Variants in SOX5 observed in about 807,000 individuals in gnomAD.
SOX5 encodes the protein SRY-box transcription factor 5, also known as transcription factor SOX-5.
In SOX5, 9 loss-of-function variants were observed where a neutral mutation model predicts 92.0. That is an observed-to-expected ratio of 0.10 (90% confidence interval 0.06 to 0.17). SOX5 has a LOEUF of 0.17. Ranked by LOEUF, SOX5 falls within the 10% of genes least tolerant of loss-of-function variation. SOX5 has a pLI of 1.00. For missense variants in SOX5, 642 were observed against 944.5 expected, an observed-to-expected ratio of 0.68 and a Z score of 4.20; for synonymous variants, 344 against 336.3, an observed-to-expected ratio of 1.02 and a Z score of -0.25.
chr12:23,954,762 A>G (rs963082886), upstream of SOX5, among the ~76,000 whole-genome samples: 10 of 152,060 alleles, frequency 6.6e-5, no homozygotes. Flanking sequence ...GTTAGAATAC[A>G]CAGATGAATT....
chr12:24,120,207 T>G lies in SOX5; in HGVS notation c.-2+93136A>C, dbSNP rs1387382532. 2.0e-5 allele frequency among the ~76,000 whole-genome samples: 3 copies of G among 152,206 alleles called. No homozygotes were observed. In the East Asian group the frequency reaches 5.8e-4, roughly 29 times the overall value. Reference sequence around the variant, plus strand: ...TCAGAAGTGGAATTGGAGTCACAGATATACATTCATATGCTCAACTTTAGT... The same window carrying G: ...TCAGAAGTGGAATTGGAGTCACAGAGATACATTCATATGCTCAACTTTAGT... On this transcript the variant is annotated intron_variant, in intron 4 of 4. Coordinates refer to the SOX5 transcript ENST00000446891.
intron 1 of SOX5, among the ~76,000 whole-genome samples, chr12:24,560,051 G>C (rs1372796809): frequency 1.3e-5 from 2 of 152,110 alleles, no homozygotes; most frequent in African/African-American, 4.8e-5. Flanking sequence ...TTGCAAGTCT[G>C]TGTCAGATTG....
intron 6 of SOX5, among the ~76,000 whole-genome samples, chr12:23,682,019 A>C (rs1049301272): frequency 6.6e-6 from 1 of 151,284 alleles, no homozygotes; most frequent in Non-Finnish European, 1.5e-5. Context: ...TTAATTACTG[A>C]TAGCTCAAAA....
rs1467510579 is a variant in SOX5 at position 23,530,831 on chromosome 12, G to GCGCGCGCA, written c.*3387_*3388insTGCGCGCG. The GCGCGCGCA allele has an allele frequency of 6.6e-6, 1 of 151,226 alleles. No homozygotes were observed. The highest frequency in any genetic ancestry group is 1.5e-5 in the Non-Finnish European group (1 of 67,874). The allele number at this position is 151,226 out of a possible 1,614,324, so 9.4% of individuals were successfully genotyped here. On this transcript the variant is annotated 3_prime_UTR_variant, in exon 15 of 15. Transcript: ENST00000451604. ...TGTGTGTGTGTGTGCGCGCGCGCGC[G>GCGCGCGCA]CGCGCATGTGAGAGAGAGAGAGAAA... is the stretch of plus-strand genomic sequence containing the variant.
intron 3 of SOX5, among the ~76,000 whole-genome samples, chr12:23,814,734 G>A (rs11047112): frequency 0.078 from 11,884 of 152,204 alleles, 592 homozygotes; most frequent in Admixed American, 0.11. Flanking sequence ...CACAAAGCAC[G>A]TTAGAGACTG....
intron 4 of SOX5, among the ~76,000 whole-genome samples, chr12:24,114,602 A>AAAAAG (rs1565464302): frequency 6.8e-6 from 1 of 147,962 alleles, no homozygotes; most frequent in African/African-American, 2.5e-5. Context: ...AAAAAAAAAA[A>AAAAAG]AAATTAACAG....
At chr12:24,459,070 C>T (rs1170378655) in intron 1 of SOX5, among the ~76,000 whole-genome samples, 1 of 152,212 alleles carries the variant, frequency 6.6e-6, no homozygotes, top group African/African-American at 2.4e-5. Context: ...AAGAAGTCAA[C>T]ATCCAAATAG....
intron 3 of SOX5, among the ~76,000 whole-genome samples, chr12:24,265,786 AC>A: frequency 6.6e-6 from 1 of 152,304 alleles, no homozygotes; most frequent in South Asian, 2.1e-4. Flanking sequence ...TACTCATTCA[AC>A]CAATATTTCT....
chr12:23,907,850 T>C (rs1196986713), intron 1 of SOX5, among the ~76,000 whole-genome samples: 1 of 152,174 alleles, frequency 6.6e-6, no homozygotes, highest in Non-Finnish European at 1.5e-5. Flanking sequence ...GACTTGGTCA[T>C]TTTGACCCCT....
chr12:24,236,514 C>T (rs909706164), intron 3 of SOX5, among the ~76,000 whole-genome samples: 10 of 152,168 alleles, frequency 6.6e-5, no homozygotes, highest in African/African-American at 2.2e-4. Flanking sequence ...GCACAAACAG[C>T]TAATTTCTGA....
chr12:24,552,592 T>G (rs1357073865), intron 1 of SOX5, among the ~76,000 whole-genome samples: 1 of 152,258 alleles, frequency 6.6e-6, no homozygotes, highest in African/African-American at 2.4e-5. Context: ...GAATCTCTGC[T>G]TAAGTCATAA....
chr12:24,500,759 C>T (rs1258687727), intron 1 of SOX5, among the ~76,000 whole-genome samples: 1 of 152,216 alleles, frequency 6.6e-6, no homozygotes, highest in Non-Finnish European at 1.5e-5. Context: ...ACATGCAATG[C>T]ACAATCTTTG....
chr12:23,689,221 ATAGT>A (rs1368068875), intron 6 of SOX5, among the ~76,000 whole-genome samples: 1 of 152,092 alleles, frequency 6.6e-6, no homozygotes, highest in Non-Finnish European at 1.5e-5. Context: ...TCCTACGGGT[ATAGT>A]TAAATTCTTA....
intron 2 of SOX5, among the ~76,000 whole-genome samples, chr12:24,332,442 TG>T (rs1430496107): frequency 6.6e-6 from 1 of 152,108 alleles, no homozygotes; most frequent in Admixed American, 6.5e-5. Flanking sequence ...GGCCTGTAAC[TG>T]AGAAAGTTAC....
At chr12:23,537,384 G>T (rs1321014483) in intron 13 of SOX5, among the ~76,000 whole-genome samples, 1 of 152,012 alleles carries the variant, frequency 6.6e-6, no homozygotes, top group Non-Finnish European at 1.5e-5. Flanking sequence ...CTTAGCCAGG[G>T]TCATAATTAC....
At chr12:24,028,693 G>A (rs1955159991) in intron 4 of SOX5, among the ~76,000 whole-genome samples, 1 of 151,942 alleles carries the variant, frequency 6.6e-6, no homozygotes, top group Admixed American at 6.6e-5. Context: ...TACATTTAGA[G>A]CTCAAATCAG....
At chr12:24,433,765 T>G (rs1938846108) in intron 1 of SOX5, among the ~76,000 whole-genome samples, 1 of 152,076 alleles carries the variant, frequency 6.6e-6, no homozygotes, top group South Asian at 2.1e-4. Flanking sequence ...AAGGGAAATG[T>G]TAATTTGTGA....
chr12:23,881,281 C>T (rs2096986362), intron 2 of SOX5, among the ~76,000 whole-genome samples: 1 of 152,106 alleles, frequency 6.6e-6, no homozygotes, highest in Non-Finnish European at 1.5e-5. Context: ...CATGACAAAG[C>T]CCCCTGAATT....
chr12:24,512,018 T>C (rs915927068), intron 1 of SOX5, among the ~76,000 whole-genome samples: 1 of 151,720 alleles, frequency 6.6e-6, no homozygotes, highest in Non-Finnish European at 1.5e-5. Flanking sequence ...CCTGATTAAA[T>C]TCAATATTAA....
Sources: allele counts gnomAD v4.1 joint callset (sites outside exome capture counted in the v4.1 genomes callset), GRCh38; gene constraint gnomAD v4.1.1; transcripts MANE v1.5; gene names NCBI Gene and HGNC (gene_info 2026-07-23, HGNC 2026-07-21).